Variants in TTC28 observed in about 807,000 individuals in gnomAD.
TTC28 encodes the protein tetratricopeptide repeat protein 28.
TTC28 carries 61 observed loss-of-function variants against 198.0 expected under a neutral mutation model. The ratio of observed to expected loss-of-function variants is 0.31; its 90% confidence interval spans 0.25 to 0.38. TTC28 has a LOEUF of 0.38. TTC28 is among the 10% of genes least tolerant of loss of function. The pLI is 1.00. For missense variants in TTC28, 2,678 were observed against 3,164.0 expected, an observed-to-expected ratio of 0.85 and a Z score of 3.69; for synonymous variants, 1,171 against 1,297.8, an observed-to-expected ratio of 0.90 and a Z score of 2.10.
intron 13 of TTC28, among the ~76,000 whole-genome samples, chr22:28,018,874 C>T (rs1207582586): frequency 1.3e-5 from 2 of 152,168 alleles, no homozygotes; most frequent in African/African-American, 4.8e-5. Context: ...ATGGGCGGAC[C>T]CAAGGTTTCC....
intron 2 of TTC28, among the ~76,000 whole-genome samples, chr22:28,609,751 C>T (rs1476214241): frequency 6.6e-6 from 1 of 152,178 alleles, no homozygotes; most frequent in African/African-American, 2.4e-5. Context: ...TTCACTCCCC[C>T]TGGAAAGGAG....
chr22:28,001,347 G>GC (rs1569077126), intron 15 of TTC28, 27 bp downstream of exon 15: 4 of 1,529,396 alleles, frequency 2.6e-6, no homozygotes, highest in Admixed American at 2.0e-5. Context: ...CAAGCCCCCG[G>GC]CCCCCCACCA....
At position 28,679,699 on chromosome 22, in the gene TTC28, G is replaced by A. The variant is rs1337875377; in HGVS notation, c.25C>T (p.Pro9Ser). 14 of 1,288,564 alleles carry A rather than the reference G, an allele frequency of 1.1e-5. No homozygotes were observed. Among genetic ancestry groups the A allele is most frequent in the Non-Finnish European group, 1.4e-5 (14 of 1,019,256 alleles). 79.8% of individuals were successfully genotyped at this position (1,288,564 alleles called of 1,614,324 possible). Residue 9 changes from proline (P) to serine (S), a missense_variant, in exon 1 of 23, where the codon CCC becomes TCC. Pro to Ser is a moderately conservative substitution (Grantham distance 74). Around this residue, in one of 8 missense-constraint regions of TTC28, gnomAD observed 22 missense variants for 55.0 expected, o/e 0.40. Transcript: ENST00000397906. MEQSPPPA[P>S]EPTQGPTPAR... The stretch of plus-strand genomic sequence containing the variant: ...GGGGTCGGCCCTTGGGTCGGCTCGG[G>A]CGCCGGCGGCGGCGACTGCTCCATC...
intron 2 of TTC28, among the ~76,000 whole-genome samples, chr22:28,364,421 A>G (rs937665156): frequency 1.3e-5 from 2 of 152,188 alleles, no homozygotes; most frequent in African/African-American, 2.4e-5. Flanking sequence ...CTTTATCAGC[A>G]GCGTGAAAAT....
At chr22:28,328,398 A>G (rs1021164704) in intron 2 of TTC28, among the ~76,000 whole-genome samples, 7 of 151,642 alleles carry the variant, frequency 4.6e-5, no homozygotes, top group Non-Finnish European at 1.5e-5. Flanking sequence ...CTATAATCAC[A>G]CCACTCCACT....
At chr22:28,609,183 T>C (rs2050779481) in intron 2 of TTC28, among the ~76,000 whole-genome samples, 1 of 152,218 alleles carries the variant, frequency 6.6e-6, no homozygotes, top group Non-Finnish European at 1.5e-5. Flanking sequence ...ACGTGAGCAA[T>C]ATCTTACCAA....
intron 5 of TTC28, among the ~76,000 whole-genome samples, chr22:28,201,777 G>C (rs1925971255): frequency 6.7e-6 from 1 of 148,206 alleles, no homozygotes; most frequent in African/African-American, 2.6e-5. Context: ...AAAGAGGGGA[G>C]CCAGTGTGAA....
At chr22:28,157,734 C>G (rs768428442) in intron 6 of TTC28, among the ~76,000 whole-genome samples, 3 of 151,812 alleles carry the variant, frequency 2.0e-5, no homozygotes, top group Non-Finnish European at 4.4e-5. Context: ...TAAAAACGCT[C>G]AAAAAAACGG....
At chr22:28,146,412 GA>G (rs1943471208) in intron 6 of TTC28, among the ~76,000 whole-genome samples, 1 of 152,230 alleles carries the variant, frequency 6.6e-6, no homozygotes, top group Non-Finnish European at 1.5e-5. Flanking sequence ...CTGACACAAA[GA>G]GGATGTCTTT....
intron 1 of TTC28, among the ~76,000 whole-genome samples, chr22:28,649,610 G>T (rs2051534283): frequency 6.6e-6 from 1 of 152,076 alleles, no homozygotes; most frequent in Non-Finnish European, 1.5e-5. Flanking sequence ...ACATAATTGT[G>T]ATATTCTAGC....
chr22:28,591,237 T>C (rs2050430759), intron 2 of TTC28, among the ~76,000 whole-genome samples: 1 of 150,794 alleles, frequency 6.6e-6, no homozygotes, highest in Admixed American at 6.6e-5. Flanking sequence ...GCCTCCCAAG[T>C]AGCTAAACTG....
At chr22:28,312,261 T>C (rs1052769299) in intron 2 of TTC28, among the ~76,000 whole-genome samples, 63 of 152,070 alleles carry the variant, frequency 4.1e-4, no homozygotes, top group African/African-American at 1.4e-3. Flanking sequence ...CACACAATAA[T>C]AGTGGGAGAC....
At chr22:28,641,888 G>T (rs2146238764) in intron 1 of TTC28, among the ~76,000 whole-genome samples, 1 of 152,182 alleles carries the variant, frequency 6.6e-6, no homozygotes, top group East Asian at 1.9e-4. Context: ...CAAAATGCAG[G>T]AGATAATAAA....
chr22:28,268,042 TA>T (rs1291873328), intron 5 of TTC28, among the ~76,000 whole-genome samples: 3 of 152,204 alleles, frequency 2.0e-5, no homozygotes, highest in Non-Finnish European at 4.4e-5. Context: ...TTTATTGTCC[TA>T]TTAGGGTGGA....
intron 6 of TTC28, among the ~76,000 whole-genome samples, chr22:28,109,883 T>A (rs1175030795): frequency 6.6e-6 from 1 of 152,240 alleles, no homozygotes; most frequent in East Asian, 1.9e-4. Flanking sequence ...AGATGTGTTC[T>A]GTTAAAACAT....
At position 27,998,696 on chromosome 22, in the gene TTC28, C is replaced by G; in HGVS notation, c.4963G>C (p.Val1655Leu). ...FLAAGAQCVL[V>L]SLWPVPVAAS... ...GCCACTGGCACAGGCCACAGAGACA[C>G]GAGGACACACTGAGCGCCGGCAGCC... Residue 1655 changes from valine (V) to leucine (L), a missense_variant, in exon 16 of 23, where the codon GTG becomes CTG. Physicochemically the swap from Val to Leu is conservative, Grantham distance 32. This residue lies in a region of TTC28 where 314 missense variants were observed against 442.7 expected (regional missense o/e 0.71). Transcript: ENST00000397906. The G allele has an allele frequency of 6.4e-7, 1 of 1,550,932 alleles. No homozygotes were observed.
intron 2 of TTC28, among the ~76,000 whole-genome samples, chr22:28,414,333 T>C (rs1003804606): frequency 6.6e-6 from 1 of 152,264 alleles, no homozygotes; most frequent in East Asian, 1.9e-4. Context: ...TTTGAAACAT[T>C]TGGGATGCTA....
intron 2 of TTC28, among the ~76,000 whole-genome samples, chr22:28,310,224 A>C (rs1033718519): frequency 1.3e-5 from 2 of 152,042 alleles, no homozygotes; most frequent in Non-Finnish European, 2.9e-5. Flanking sequence ...AGAGGGAAAA[A>C]ATATAAAAAG....
chr22:28,522,678 C>T (rs1003162873), intron 2 of TTC28, among the ~76,000 whole-genome samples: 4 of 151,682 alleles, frequency 2.6e-5, no homozygotes, highest in African/African-American at 9.7e-5. Context: ...TGAAGCACAG[C>T]AAGAATAAAA....
Sources: gnomAD v4.1 joint callset for allele counts (sites outside exome capture counted in the v4.1 genomes callset) on GRCh38, gnomAD v4.1.1 for gene constraint, gnomAD v4.1.1 regional missense constraint, MANE v1.5 for transcripts, NCBI Gene and HGNC (gene_info 2026-07-23, HGNC 2026-07-21) for gene names.